Variants in ARHGEF3 observed in about 807,000 individuals in gnomAD.
The protein encoded by ARHGEF3 is Rho guanine nucleotide exchange factor 3.
Under a neutral mutation model 63.2 loss-of-function variants are expected in ARHGEF3, and 28 were observed. That is an observed-to-expected ratio of 0.44 (90% CI 0.33 to 0.61). The LOEUF is 0.61. ARHGEF3 is among the 20% of genes least tolerant of loss of function. The pLI is 0.03. For missense variants in ARHGEF3, 533 were observed against 659.3 expected, an observed-to-expected ratio of 0.81 and a Z score of 2.10; for synonymous variants, 266 against 254.2, an observed-to-expected ratio of 1.05 and a Z score of -0.44.
Position 56,728,009 on chromosome 3 carries a change from G to A in ARHGEF3, c.*1261C>T, listed in dbSNP as rs7356091. 1.3e-5 allele frequency: 2 copies of A among 152,558 alleles called. No individual in the cohort carries two copies. The highest frequency in any genetic ancestry group is 2.4e-5 in the African/African-American group (1 of 41,426). 9.5% of individuals were successfully genotyped at this position (152,558 alleles called of 1,614,324 possible). ...GCTGGTGTGGGTATAATTTTGCACA[G>A]GTCATCCTTAATATTTACACTTGCA... On this transcript the variant is annotated 3_prime_UTR_variant, in exon 10 of 10. Coordinates refer to ENST00000296315, the MANE Select transcript of ARHGEF3 (RefSeq NM_019555.3).
chr3:56,893,019 C>T (rs747883658), intron 3 of ARHGEF3, among the ~76,000 whole-genome samples: 2 of 152,218 alleles, frequency 1.3e-5, no homozygotes, highest in Non-Finnish European at 2.9e-5. Flanking sequence ...AAGCTGTCCT[C>T]TAAAGGACAT....
chr3:56,793,092 C>G (rs954039064), intron 1 of ARHGEF3, among the ~76,000 whole-genome samples: 2 of 152,146 alleles, frequency 1.3e-5, no homozygotes, highest in Non-Finnish European at 2.9e-5. Flanking sequence ...CTACCTCCGC[C>G]TCCCGAGTTC....
chr3:56,824,683 C>T (rs1423705763), intron 4 of ARHGEF3, among the ~76,000 whole-genome samples: 1 of 152,192 alleles, frequency 6.6e-6, no homozygotes, highest in Non-Finnish European at 1.5e-5. Flanking sequence ...AGCTGATGAC[C>T]AGCTTGGTCA....
chr3:56,744,082 T>G (rs74284313), intron 7 of ARHGEF3, among the ~76,000 whole-genome samples: 1 of 152,206 alleles, frequency 6.6e-6, no homozygotes, highest in South Asian at 2.1e-4. Flanking sequence ...TAACCAGATC[T>G]GAACCCACAT....
At chr3:56,837,725 T>C (rs1350375114) in intron 4 of ARHGEF3, among the ~76,000 whole-genome samples, 1 of 151,926 alleles carries the variant, frequency 6.6e-6, no homozygotes, top group Non-Finnish European at 1.5e-5. Flanking sequence ...CTCCCAGGAG[T>C]CAATAAGTTA....
intron 3 of ARHGEF3, among the ~76,000 whole-genome samples, chr3:56,933,474 C>A (rs1231885331): frequency 3.3e-5 from 5 of 150,506 alleles, no homozygotes; most frequent in African/African-American, 1.2e-4. Flanking sequence ...GGCTAGAGTG[C>A]AGTGACACGA....
chr3:56,895,471 TA>T (rs138620341), intron 3 of ARHGEF3, among the ~76,000 whole-genome samples: 60,173 of 137,624 alleles, frequency 0.44, 12,355 homozygotes, highest in African/African-American at 0.51. Context: ...TTTATTTATT[TA>T]TTTTTTTTTG....
At chr3:56,933,183 T>C (rs1425373868) in intron 3 of ARHGEF3, among the ~76,000 whole-genome samples, 1 of 152,210 alleles carries the variant, frequency 6.6e-6, no homozygotes, top group East Asian at 1.9e-4. Flanking sequence ...TGTTCAAGAA[T>C]ATATTCAGAC....
chr3:56,927,811 G>A (rs2042314816), intron 3 of ARHGEF3, among the ~76,000 whole-genome samples: 1 of 152,182 alleles, frequency 6.6e-6, no homozygotes, highest in African/African-American at 2.4e-5. Flanking sequence ...CCTCATCTCT[G>A]CAAAGGGGAT....
chr3:57,070,880 G>C lies in ARHGEF3; in HGVS notation c.-28+8346C>G, dbSNP rs184226633. Reference sequence around the variant, plus strand: ...CCAGCTACTTGGGAGGCTGAGGTGGGAGGATTGCTTGAGCCCAGGAGGTCG... The same window carrying C: ...CCAGCTACTTGGGAGGCTGAGGTGGCAGGATTGCTTGAGCCCAGGAGGTCG... On this transcript the variant is annotated intron_variant, in intron 1 of 12. Coordinates refer to the ARHGEF3 transcript ENST00000338458. Among the ~76,000 whole-genome samples the C allele has an allele frequency of 2.6e-5, 4 of 151,334 alleles. No individual in the cohort carries two copies. In the East Asian group the frequency reaches 7.8e-4, roughly 29 times the overall value.
intron 2 of ARHGEF3, among the ~76,000 whole-genome samples, chr3:56,767,825 C>T (rs1205699906): frequency 1.3e-5 from 2 of 151,632 alleles, no homozygotes; most frequent in Non-Finnish European, 2.9e-5. Context: ...CAGCTCACTG[C>T]AACCTCCACC....
chr3:56,897,584 T>G (rs1184098209), intron 3 of ARHGEF3, among the ~76,000 whole-genome samples: 1 of 151,266 alleles, frequency 6.6e-6, no homozygotes, highest in East Asian at 1.9e-4. Flanking sequence ...TTTTTTGAGA[T>G]GGAGTCTCCC....
intron 2 of ARHGEF3, among the ~76,000 whole-genome samples, chr3:56,977,912 G>A (rs1027482723): frequency 2.6e-5 from 4 of 152,214 alleles, no homozygotes; most frequent in African/African-American, 7.2e-5. Context: ...CTAAGGCAAT[G>A]GTGCTGGGAC....
At chr3:56,990,625 A>C (rs978429916) in intron 2 of ARHGEF3, among the ~76,000 whole-genome samples, 1 of 152,212 alleles carries the variant, frequency 6.6e-6, no homozygotes, top group Admixed American at 6.5e-5. Context: ...GAGAGACACA[A>C]ATAAAAAGAA....
chr3:56,814,669 T>TG (rs201597548), intron 4 of ARHGEF3, among the ~76,000 whole-genome samples: 1 of 152,132 alleles, frequency 6.6e-6, no homozygotes, highest in Non-Finnish European at 1.5e-5. Context: ...TTCTCCCTTT[T>TG]TTTTTAAATG....
chr3:56,763,821 T>C (rs1224837037), intron 2 of ARHGEF3, among the ~76,000 whole-genome samples: 1 of 152,114 alleles, frequency 6.6e-6, no homozygotes, highest in African/African-American at 2.4e-5. Flanking sequence ...GCAATCCTCT[T>C]GTTTCAGCCT....
chr3:57,031,402 C>T (rs1029422865), intron 2 of ARHGEF3, among the ~76,000 whole-genome samples: 2 of 152,112 alleles, frequency 1.3e-5, no homozygotes, highest in African/African-American at 2.4e-5. Context: ...CAAAAAATGC[C>T]GTCTTTACTG....
At chr3:56,812,706 C>T (rs944853695) in intron 4 of ARHGEF3, among the ~76,000 whole-genome samples, 3 of 152,234 alleles carry the variant, frequency 2.0e-5, no homozygotes, top group Admixed American at 6.5e-5. Flanking sequence ...CCTGATGTTT[C>T]TGCAAGATTA....
chr3:56,862,823 A>G (rs1465517259), intron 4 of ARHGEF3, among the ~76,000 whole-genome samples: 2 of 152,164 alleles, frequency 1.3e-5, no homozygotes, highest in Non-Finnish European at 2.9e-5. Flanking sequence ...CCCCCTTAGC[A>G]AACCTCCCCT....
Sources: allele counts gnomAD v4.1 joint callset (sites outside exome capture counted in the v4.1 genomes callset), GRCh38; gene constraint gnomAD v4.1.1; transcripts MANE v1.5; gene names NCBI Gene and HGNC (gene_info 2026-07-23, HGNC 2026-07-21).